The following NWD2 variants were observed in gnomAD, a reference collection of about 807,000 sequenced individuals.
NWD2 encodes NACHT and WD repeat domain containing 2.
Under a neutral mutation model 132.7 loss-of-function variants are expected in NWD2, and 37 were observed. The observed-to-expected ratio is 0.28, with a 90% CI of 0.21 to 0.37. The LOEUF (loss-of-function observed/expected upper bound fraction) is 0.37, where lower values mean the gene tolerates loss of function less well. NWD2 is among the 10% of genes least tolerant of loss of function. The pLI is 1.00. For missense variants in NWD2, 1,592 were observed against 2,122.4 expected, an observed-to-expected ratio of 0.75 and a Z score of 4.91; for synonymous variants, 705 against 803.0, an observed-to-expected ratio of 0.88 and a Z score of 2.06.
chr4:37,372,237 T>C (rs1017046584), intron 3 of NWD2, among the ~76,000 whole-genome samples: 3 of 152,330 alleles, frequency 2.0e-5, no homozygotes, highest in African/African-American at 7.2e-5. Flanking sequence ...TATATAAATA[T>C]ATAAAACATA....
intron 3 of NWD2, among the ~76,000 whole-genome samples, chr4:37,413,375 C>T (rs1721201465): frequency 6.6e-6 from 1 of 152,210 alleles, no homozygotes; most frequent in Non-Finnish European, 1.5e-5. Context: ...AAAAAATGCT[C>T]ATCATCACTG....
intron 3 of NWD2, among the ~76,000 whole-genome samples, chr4:37,371,561 T>C (rs907706539): frequency 3.3e-5 from 5 of 152,240 alleles, no homozygotes; most frequent in Non-Finnish European, 5.9e-5. Context: ...GAATTAAATA[T>C]GTTGAAGTTT....
At position 37,427,423 on chromosome 4, in the gene NWD2, AT is replaced by A. The variant is rs1233298383; in HGVS notation, c.358-3145del. Among the ~76,000 whole-genome samples the A allele has an allele frequency of 2.0e-5, 3 of 152,276 alleles. No homozygotes were observed. The East Asian group carries it at 5.8e-4, about 29-fold the overall frequency. On this transcript the variant is annotated intron_variant, in intron 3 of 6. Coordinates refer to ENST00000309447, the MANE Select transcript of NWD2 (RefSeq NM_001144990.2). ...CATGCCTATTTGCTTAGCAAAAGAG[AT>A]TTTGGAAGAGGGAACCATTAGAAGT... is the stretch of plus-strand genomic sequence containing the variant.
At chr4:37,274,294 T>C (rs757645740) in intron 1 of NWD2, among the ~76,000 whole-genome samples, 30 of 152,144 alleles carry the variant, frequency 2.0e-4, no homozygotes, top group Non-Finnish European at 1.8e-4. Flanking sequence ...CAGAGAATAC[T>C]ATAAACACCT....
chr4:37,389,991 C>T (rs1442001058), intron 3 of NWD2, among the ~76,000 whole-genome samples: 3 of 152,094 alleles, frequency 2.0e-5, no homozygotes, highest in African/African-American at 7.2e-5. Context: ...TGTTGGCCAT[C>T]GTTGGCCAGG....
chr4:37,403,177 C>T (rs1399391724), intron 3 of NWD2, among the ~76,000 whole-genome samples: 1 of 152,162 alleles, frequency 6.6e-6, no homozygotes, highest in Non-Finnish European at 1.5e-5. Context: ...GTACCAGGCA[C>T]TGTTCTAGGC....
chr4:37,340,608 A>G (rs555415358), intron 2 of NWD2, among the ~76,000 whole-genome samples: 1 of 152,202 alleles, frequency 6.6e-6, no homozygotes, highest in South Asian at 2.1e-4. Context: ...AGCTCAGCCC[A>G]TCTGGAGGCA....
chr4:37,391,084 T>A (rs1720671890), intron 3 of NWD2, among the ~76,000 whole-genome samples: 1 of 152,210 alleles, frequency 6.6e-6, no homozygotes, highest in Non-Finnish European at 1.5e-5. Flanking sequence ...ACCACCTACA[T>A]CTCAGAGTAC....
chr4:37,447,478 A>T lies in NWD2; in HGVS notation c.*261A>T. Reference sequence around the variant, plus strand: ...TGAAAGGCAGAGGCTAAAAGTTTTTAAATTAGCTGTGTGGTGAGGCAGCAT... The same window carrying T: ...TGAAAGGCAGAGGCTAAAAGTTTTTTAATTAGCTGTGTGGTGAGGCAGCAT... On this transcript the variant is annotated 3_prime_UTR_variant, in exon 7 of 7. Coordinates refer to ENST00000309447, the MANE Select transcript of NWD2 (RefSeq NM_001144990.2). 2.1e-6 allele frequency: 1 copy of T among 478,030 alleles called. No individual in the cohort carries two copies. The highest frequency in any genetic ancestry group is 3.8e-6 in the Non-Finnish European group (1 of 265,242). The allele number at this position is 478,030 out of a possible 1,614,324, so 29.6% of individuals were successfully genotyped here.
chr4:37,420,303 G>C (rs535132769), intron 3 of NWD2, among the ~76,000 whole-genome samples: 1 of 152,220 alleles, frequency 6.6e-6, no homozygotes, highest in East Asian at 1.9e-4. Context: ...CCTAGCTAAA[G>C]GTTGGTGATC....
chr4:37,382,097 C>A (rs1482274398), intron 3 of NWD2, among the ~76,000 whole-genome samples: 1 of 152,200 alleles, frequency 6.6e-6, no homozygotes, highest in East Asian at 1.9e-4. Flanking sequence ...GAAAACACAG[C>A]AAACACCCAT....
intron 1 of NWD2, among the ~76,000 whole-genome samples, chr4:37,309,428 G>C (rs1718782879): frequency 1.3e-5 from 2 of 152,022 alleles, no homozygotes; most frequent in African/African-American, 2.4e-5. Flanking sequence ...CTACACCACG[G>C]GGTCCAACTG....
chr4:37,280,969 A>G (rs550464364), intron 1 of NWD2, among the ~76,000 whole-genome samples: 157 of 152,130 alleles, frequency 1.0e-3, no homozygotes, highest in Non-Finnish European at 1.6e-3. Flanking sequence ...CTGGAGGAGT[A>G]GGAAACCCAT....
chr4:37,430,434 G>A, intron 3 of NWD2, 138 bp from the exon 4 acceptor site: 1 of 658,992 alleles, frequency 1.5e-6, no homozygotes, highest in Non-Finnish European at 2.6e-6. Context: ...ACTATCCACT[G>A]TGACCAAAAG....
chr4:37,371,097 A>C (rs1261479473), intron 3 of NWD2, among the ~76,000 whole-genome samples: 2 of 10,212 alleles, frequency 2.0e-4, no homozygotes, highest in African/African-American at 5.6e-4. Flanking sequence ...TTTTTTTTTG[A>C]GACAGATTCT....
At chr4:37,287,711 C>G (rs1718264684) in intron 1 of NWD2, among the ~76,000 whole-genome samples, 2 of 152,180 alleles carry the variant, frequency 1.3e-5, no homozygotes, top group African/African-American at 2.4e-5. Context: ...AGCCTTTCCT[C>G]CTGATGGTTC....
chr4:37,395,409 A>C (rs929728221), intron 3 of NWD2, among the ~76,000 whole-genome samples: 2 of 151,058 alleles, frequency 1.3e-5, no homozygotes, highest in Non-Finnish European at 2.9e-5. Context: ...TGGGGAAGCA[A>C]TACATCTCAG....
At position 37,445,113 on chromosome 4, in the gene NWD2, G is replaced by T. The variant is rs1272500365; in HGVS notation, c.3125G>T (p.Cys1042Phe). ...TLLIYDNVNSCLLSEVEIKGT... is the reference protein window; with the variant it reads ...TLLIYDNVNSFLLSEVEIKGT... ...TTGATTTATGACAATGTCAATTCTT[G>T]CCTCCTGTCTGAAGTAGAAATCAAG... The change falls in exon 7 of 7, where the codon TGC becomes TTC. Residue 1042 changes from cysteine to phenylalanine, a missense_variant. This residue lies in a region of NWD2 where 1,071 missense variants were observed against 1,398.0 expected (regional missense o/e 0.77). Coordinates refer to ENST00000309447, the MANE Select transcript of NWD2 (RefSeq NM_001144990.2). This position sits in a 1 kb window ranked among gnomAD's most constrained non-coding sequence, Gnocchi z 4.7. The T allele has an allele frequency of 8.2e-5, 128 of 1,551,824 alleles. No individual in the cohort carries two copies. Among genetic ancestry groups the T allele is most frequent in the Non-Finnish European group, 1.1e-4 (126 of 1,147,074 alleles).
intron 3 of NWD2, among the ~76,000 whole-genome samples, chr4:37,408,185 A>G (rs1721082657): frequency 6.6e-6 from 1 of 152,070 alleles, no homozygotes; most frequent in African/African-American, 2.4e-5. Flanking sequence ...CAAAACCGAT[A>G]ACCTCCCTGG....
Sources: allele counts gnomAD v4.1 joint callset (sites outside exome capture counted in the v4.1 genomes callset), GRCh38; gene constraint gnomAD v4.1.1; regional missense constraint gnomAD v4.1.1; non-coding constraint Gnocchi (gnomAD v3.1); transcripts MANE v1.5; gene names NCBI Gene and HGNC (gene_info 2026-07-23, HGNC 2026-07-21).